The following SEC22A variants were observed in gnomAD, a reference collection of about 807,000 sequenced individuals.
The protein encoded by SEC22A is vesicle-trafficking protein SEC22a.
Under a neutral mutation model 35.3 loss-of-function variants are expected in SEC22A, and 22 were observed. The observed-to-expected ratio is 0.62, with a 90% confidence interval of 0.45 to 0.89. SEC22A has a LOEUF of 0.89. SEC22A is among the 40% of genes least tolerant of loss of function. SEC22A has a pLI of 0.00. For synonymous variants in SEC22A, 119 were observed against 129.5 expected, an observed-to-expected ratio of 0.92 and a Z score of 0.55; for missense variants, 354 against 362.5, an observed-to-expected ratio of 0.98 and a Z score of 0.19.
At chr3:123,237,514 G>C (rs1937443832) in intron 4 of SEC22A, among the ~76,000 whole-genome samples, 1 of 152,174 alleles carries the variant, frequency 6.6e-6, no homozygotes, top group African/African-American at 2.4e-5. Flanking sequence ...TTTAAGACTT[G>C]GATGGTGGCA....
At chr3:123,267,436 G>T (rs1938052342) in intron 6 of SEC22A, among the ~76,000 whole-genome samples, 1 of 151,688 alleles carries the variant, frequency 6.6e-6, no homozygotes, top group South Asian at 2.1e-4. Flanking sequence ...ACTCTTCATG[G>T]TCTTCTCGTG....
intron 4 of SEC22A, among the ~76,000 whole-genome samples, chr3:123,233,579 C>T (rs1177719783): frequency 6.6e-6 from 1 of 151,918 alleles, no homozygotes; most frequent in Non-Finnish European, 1.5e-5. Context: ...ATGAAAAACA[C>T]ATGATTATCT....
intron 2 of SEC22A, among the ~76,000 whole-genome samples, chr3:123,211,002 T>A (rs186618232): frequency 6.6e-6 from 1 of 152,274 alleles, no homozygotes. Flanking sequence ...GGCCAGATCC[T>A]GGATCGCCCT....
At chr3:123,231,590 T>C (rs1937328185) in intron 4 of SEC22A, among the ~76,000 whole-genome samples, 1 of 152,146 alleles carries the variant, frequency 6.6e-6, no homozygotes, top group Non-Finnish European at 1.5e-5. Context: ...GGTCAGAGAC[T>C]AAATCAAAAG....
At chr3:123,269,625 A>ATTTT (rs35895285) in intron 6 of SEC22A, among the ~76,000 whole-genome samples, 9 of 89,480 alleles carry the variant, frequency 1.0e-4, no homozygotes, top group Non-Finnish European at 1.5e-4. Flanking sequence ...AAGGACATGA[A>ATTTT]TTTTTTTTTT....
At chr3:123,207,513 C>CA (rs1936871598) in intron 1 of SEC22A, among the ~76,000 whole-genome samples, 1 of 152,202 alleles carries the variant, frequency 6.6e-6, no homozygotes, top group Admixed American at 6.5e-5. Context: ...CCTTTAGTGA[C>CA]ATTGTGCTTT....
intron 6 of SEC22A, among the ~76,000 whole-genome samples, chr3:123,262,962 C>T (rs556643890): frequency 1.3e-5 from 2 of 152,150 alleles, no homozygotes; most frequent in African/African-American, 4.8e-5. Flanking sequence ...CTATATAAAA[C>T]GGTATCACAA....
chr3:123,235,888 C>T (rs1370002642), intron 4 of SEC22A, among the ~76,000 whole-genome samples: 1 of 152,114 alleles, frequency 6.6e-6, no homozygotes, highest in Non-Finnish European at 1.5e-5. Context: ...AGTACTGATA[C>T]ATATAACAAC....
intron 4 of SEC22A, among the ~76,000 whole-genome samples, chr3:123,237,715 C>T (rs565190905): frequency 4.6e-5 from 7 of 152,208 alleles, no homozygotes; most frequent in African/African-American, 1.7e-4. Context: ...ACTTGACTTA[C>T]CAGGAGGTAG....
At chr3:123,233,430 C>T (rs1937356967) in intron 4 of SEC22A, among the ~76,000 whole-genome samples, 1 of 152,100 alleles carries the variant, frequency 6.6e-6, no homozygotes, top group African/African-American at 2.4e-5. Flanking sequence ...CACCTAATGA[C>T]ACATTGTTCA....
intron 4 of SEC22A, among the ~76,000 whole-genome samples, chr3:123,236,772 T>C (rs1454917029): frequency 6.6e-6 from 1 of 151,692 alleles, no homozygotes; most frequent in Non-Finnish European, 1.5e-5. Flanking sequence ...ATTAAGCACC[T>C]TAAGAGACTA....
chr3:123,215,489 G>A (rs1937004541), intron 2 of SEC22A, among the ~76,000 whole-genome samples: 1 of 152,158 alleles, frequency 6.6e-6, no homozygotes, highest in Non-Finnish European at 1.5e-5. Flanking sequence ...TGCATCACAT[G>A]TCCTTACCCC....
intron 3 of SEC22A, 81 bp from the exon 4 acceptor site, chr3:123,225,022 A>G: frequency 1.1e-6 from 1 of 881,012 alleles, no homozygotes; most frequent in South Asian, 1.9e-5. Context: ...TACCTGTAAT[A>G]TTTACTATCC....
At chr3:123,261,160 C>T (rs1309300817) in intron 6 of SEC22A, among the ~76,000 whole-genome samples, 3 of 152,236 alleles carry the variant, frequency 2.0e-5, no homozygotes, top group South Asian at 2.1e-4. Context: ...TTTTCTTAAC[C>T]ATTTATATTA....
chr3:123,203,312 AC>A (rs1363850024), intron 1 of SEC22A, among the ~76,000 whole-genome samples: 1 of 151,770 alleles, frequency 6.6e-6, no homozygotes, highest in Non-Finnish European at 1.5e-5. Context: ...AACTAATAAT[AC>A]CTATCTCACA....
rs1430117019 is a variant in SEC22A at position 123,272,477 on chromosome 3, T to C, written c.*755T>C. On this transcript the variant is annotated 3_prime_UTR_variant, in exon 7 of 7. Transcript: ENST00000492595. The stretch of plus-strand genomic sequence containing the variant: ...AGTACTACTTGTATTATTTTCTTAA[T>C]ATTTATCTTTTAAATTTTAAAGTTT... 6.6e-6 allele frequency: 1 copy of C among 152,214 alleles called. No individual in the cohort carries two copies. The highest frequency in any genetic ancestry group is 2.4e-5 in the African/African-American group (1 of 41,468). The allele number at this position is 152,214 out of a possible 1,614,324, so 9.4% of individuals were successfully genotyped here.
In SEC22A at chr3:123,225,271, G is replaced by A; in HGVS notation, c.515G>A (p.Cys172Tyr). 1 of 1,610,910 alleles carries A rather than the reference G, an allele frequency of 6.2e-7. No individual in the cohort carries two copies. Among genetic ancestry groups the A allele is most frequent in the Non-Finnish European group, 8.5e-7 (1 of 1,177,964 alleles). The change falls in exon 4 of 7, where the codon TGT becomes TAT. Residue 172 changes from cysteine to tyrosine, a missense_variant. Coordinates refer to ENST00000492595, the MANE Select transcript of SEC22A (RefSeq NM_012430.5). ...NGVTSAFSVD[C>Y]KGAGKISSAH... ...GTCACATCAGCATTTTCTGTTGACT[G>A]TAAAGGTGCTGGTAAGATTTCTTCT... is the stretch of plus-strand genomic sequence containing the variant.
At position 123,205,696 on chromosome 3, in the gene SEC22A, C is replaced by CA. The variant is rs573465467; in HGVS notation, c.-19-3496dup. On this transcript the variant is annotated intron_variant, in intron 1 of 6. Coordinates refer to ENST00000492595, the MANE Select transcript of SEC22A (RefSeq NM_012430.5). ...TGTTTCAAAACAAAACAAAACAAAACAAAAAAACAACAAAAAAAGGAGTAT... is the reference window on the plus strand; with the variant it reads ...TGTTTCAAAACAAAACAAAACAAAACAAAAAAAACAACAAAAAAAGGAGTAT... 1.6e-4 allele frequency among the ~76,000 whole-genome samples: 22 copies of CA among 139,506 alleles called. 1 individual carries two copies. The highest frequency in any genetic ancestry group is 4.3e-4 in the African/African-American group (17 of 39,946). 91.5% of individuals were successfully genotyped at this position (139,506 alleles called of 152,430 possible).
chr3:123,208,914 C>G, intron 1 of SEC22A: 1 of 285,530 alleles, frequency 3.5e-6, no homozygotes, highest in Non-Finnish European at 6.8e-6. Flanking sequence ...CCTGCCTCGG[C>G]CTCCTGAGTA....
Sources: allele counts gnomAD v4.1 joint callset (sites outside exome capture counted in the v4.1 genomes callset), GRCh38; gene constraint gnomAD v4.1.1; transcripts MANE v1.5; gene names NCBI Gene and HGNC (gene_info 2026-07-23, HGNC 2026-07-21).